Variants in DNAH2 observed in about 807,000 individuals in gnomAD.
The protein encoded by DNAH2 is axonemal beta dynein heavy chain 2.
DNAH2 carries 323 observed loss-of-function variants against 523.5 expected under a neutral mutation model. That is an observed-to-expected ratio of 0.62 (90% CI 0.56 to 0.68). The LOEUF is 0.68. Ranked by LOEUF, DNAH2 falls within the 30% of genes least tolerant of loss-of-function variation. The pLI, the probability that DNAH2 is intolerant of heterozygous loss-of-function variation, is 0.00. For synonymous variants in DNAH2, 2,093 were observed against 2,177.4 expected (o/e 0.96, Z 1.08); for missense variants, 4,907 against 5,701.5 (o/e 0.86, Z 4.49).
intron 77 of DNAH2, among the ~76,000 whole-genome samples, chr17:7,825,430 G>A (rs1052468768): frequency 6.6e-6 from 1 of 152,128 alleles, no homozygotes; most frequent in African/African-American, 2.4e-5. Flanking sequence ...ATCACGCATG[G>A]GTGCCTTTCA....
Position 7,734,533 on chromosome 17 carries a change from C to T in DNAH2, c.803C>T (p.Thr268Ile), listed in dbSNP as rs1421628504. Residue 268 changes from threonine to isoleucine, a missense_variant, in exon 7 of 86, where the codon ACA becomes ATA. By Grantham distance (89) the Thr-to-Ile change is moderately conservative. Coordinates refer to ENST00000572933, the MANE Select transcript of DNAH2 (RefSeq NM_020877.5). Reference sequence around the variant, plus strand: ...CTCAGTGCCCAGGAGACTGTGGAGACAGGAGAAAATTTAGGTCCTCTGGAG... The same window carrying T: ...CTCAGTGCCCAGGAGACTGTGGAGATAGGAGAAAATTTAGGTCCTCTGGAG... Reference protein sequence around the residue: ...EMLSAQETVETGENLGPLEEI... With the variant: ...EMLSAQETVEIGENLGPLEEI... 6.2e-7 allele frequency: 1 copy of T among 1,613,684 alleles called. No homozygotes were observed. Among genetic ancestry groups the T allele is most frequent in the South Asian group, 1.1e-5 (1 of 91,034 alleles).
intron 33 of DNAH2, 128 bp downstream of exon 33, chr17:7,777,762 G>A (rs950384313): frequency 1.5e-5 from 18 of 1,209,636 alleles, no homozygotes; most frequent in Admixed American, 1.1e-4. Context: ...ACCCTAATCC[G>A]GTTCTTCCTT....
chr17:7,744,225 C>T (rs530503596), intron 12 of DNAH2, among the ~76,000 whole-genome samples: 28 of 138,070 alleles, frequency 2.0e-4, no homozygotes, highest in African/African-American at 7.1e-4. Context: ...ACCCGGGAGG[C>T]GGAGGTTGCA....
chr17:7,793,211 C>T lies in DNAH2; in HGVS notation c.7569+6C>T, dbSNP rs377118726. 13 of 1,611,990 alleles carry T rather than the reference C, an allele frequency of 8.1e-6. No homozygotes were observed. In the African/African-American group the frequency reaches 1.2e-4, roughly 15 times the overall value. On this transcript the variant is annotated splice_donor_region_variant and intron_variant, in intron 48 of 85. Coordinates refer to ENST00000572933, the MANE Select transcript of DNAH2 (RefSeq NM_020877.5). ...AGACCATCAAGTACATTCGAGTAAGCCTCGCTAGAGTCTGTTCTTCAGGCC... is the reference window on the plus strand; with the variant it reads ...AGACCATCAAGTACATTCGAGTAAGTCTCGCTAGAGTCTGTTCTTCAGGCC...
Position 7,788,070 on chromosome 17 carries a change from T to G in DNAH2, c.6742-16T>G. The G allele has an allele frequency of 6.2e-7, 1 of 1,613,944 alleles. No homozygotes were observed. Among genetic ancestry groups the G allele is most frequent in the Non-Finnish European group, 8.5e-7 (1 of 1,179,850 alleles). ...ACACAAGGGTGAATGAAGAGCCCCT[T>G]CTTATTCAACTCCAGGCTGAGGTGG... On this transcript the variant is annotated splice_polypyrimidine_tract_variant and intron_variant, in intron 43 of 85. Transcript: ENST00000572933.
In DNAH2 at chr17:7,757,271, A is replaced by G. The variant is rs750078908; in HGVS notation, c.2051+34A>G. On this transcript the variant is annotated intron_variant, in intron 13 of 85. Transcript: ENST00000572933. ...TCAGTCCTCACTGCAGCCCTTCAAG[A>G]TGCTATTTTATTCCTTCTTTTTCTC... The G allele has an allele frequency of 4.4e-6, 7 of 1,603,154 alleles. No individual in the cohort carries two copies. In the Admixed American group the frequency reaches 1.0e-4, roughly 23 times the overall value.
chr17:7,833,482 T>A lies in DNAH2; in HGVS notation c.13233T>A (p.Pro4411=). ...ACCTGCGGTCTGGGGCCATGACACC[T>A]GATCATTGGATCAAGAGGGGCACTG... ...GIDLRSGAMT[P]DHWIKRGTAL... The change falls in exon 86 of 86, where the codon CCT becomes CCA. Residue 4411 remains proline (P), a synonymous_variant. Coordinates refer to ENST00000572933, the MANE Select transcript of DNAH2 (RefSeq NM_020877.5). 1 of 1,614,144 alleles carries A rather than the reference T, an allele frequency of 6.2e-7. No homozygotes were observed. The highest frequency in any genetic ancestry group is 1.3e-5 in the African/African-American group (1 of 75,046).
At chr17:7,735,370 T>C (rs983957361) in intron 7 of DNAH2, among the ~76,000 whole-genome samples, 6 of 152,210 alleles carry the variant, frequency 3.9e-5, no homozygotes, top group Admixed American at 3.9e-4. Context: ...ACCTCGGTGA[T>C]CCACCCACCT....
chr17:7,755,269 G>A (rs62062618), intron 12 of DNAH2, among the ~76,000 whole-genome samples: 14,902 of 152,082 alleles, frequency 0.098, 842 homozygotes, highest in Non-Finnish European at 0.11. Context: ...CAGGGATGCA[G>A]CCTGGAGAAC....
In DNAH2 at chr17:7,788,376, G is replaced by C. The variant is rs2076804494; in HGVS notation, c.6900+132G>C. The C allele has an allele frequency of 5.2e-6, 6 of 1,146,116 alleles. No homozygotes were observed. The South Asian group carries it at 9.9e-5, about 19-fold the overall frequency. 71.0% of individuals were successfully genotyped at this position (1,146,116 alleles called of 1,614,324 possible). A position where few individuals can be genotyped will look rare whatever the true frequency, so the allele number is the denominator to read the frequency against. On this transcript the variant is annotated intron_variant, in intron 44 of 85. Transcript: ENST00000572933. The stretch of plus-strand genomic sequence containing the variant: ...AGTGGAGCAGAGACTCCAGGGGGAG[G>C]CTTCAACGACCATGGAGGCAGTGAG...
chr17:7,738,939 G>A (rs774709433), intron 8 of DNAH2: 2 of 702,130 alleles, frequency 2.8e-6, no homozygotes, highest in South Asian at 3.0e-5. Flanking sequence ...TCTCCAGTCG[G>A]GGCTGGGTCC....
At chr17:7,729,431 G>C (rs913783904) in intron 4 of DNAH2, among the ~76,000 whole-genome samples, 1 of 151,580 alleles carries the variant, frequency 6.6e-6, no homozygotes, top group African/African-American at 2.4e-5. Flanking sequence ...GCCTAGGTTT[G>C]TTTGTTTGTT....
intron 13 of DNAH2, among the ~76,000 whole-genome samples, chr17:7,757,548 T>G (rs559395962): frequency 6.6e-6 from 1 of 152,158 alleles, no homozygotes. Flanking sequence ...ATTAGGATTA[T>G]GTGCACAGAA....
At position 7,758,514 on chromosome 17, in the gene DNAH2, C is replaced by G. The variant is rs775782232; in HGVS notation, c.2071C>G (p.Pro691Ala). 1.1e-5 allele frequency: 18 copies of G among 1,613,880 alleles called. No homozygotes were observed. The South Asian group carries it at 1.9e-4, about 17-fold the overall frequency. Residue 691 changes from proline (P) to alanine (A), a missense_variant, in exon 14 of 86, where the codon CCA (proline) becomes GCA (alanine). This residue lies in a region of DNAH2 where 2,806 missense variants were observed against 3,190.8 expected (regional missense o/e 0.88). Transcript: ENST00000572933. ...GCACAGGATTATTGCCATGCTGTCC[C>G]CAGATGAGCAGGCCCTATTCAAAGA... ...DYNRIIAMLS[P>A]DEQALFKERI...
Position 7,760,882 on chromosome 17 carries a change from C to T in DNAH2, c.2928C>T (p.Arg976=). ...TCAACAAGGACTCCTTCATTCATCG[C>T]TACCAGCGCCTCAACCCTCCTGTCT... ...WEINKDSFIH[R]YQRLNPPVSS... The change falls in exon 18 of 86, where the codon CGC becomes CGT. Residue 976 remains arginine (R), a synonymous_variant. Transcript: ENST00000572933. This position sits in a 1 kb window ranked among gnomAD's most constrained non-coding sequence, Gnocchi z 4.0. 3.1e-6 allele frequency: 5 copies of T among 1,614,206 alleles called. No individual in the cohort carries two copies. Among genetic ancestry groups the T allele is most frequent in the Non-Finnish European group, 3.4e-6 (4 of 1,180,048 alleles).
intron 77 of DNAH2, among the ~76,000 whole-genome samples, chr17:7,826,354 C>T (rs964767037): frequency 6.6e-6 from 1 of 152,118 alleles, no homozygotes; most frequent in Non-Finnish European, 1.5e-5. Context: ...ATAAGAAAGT[C>T]CCTGTATTCA....
At chr17:7,745,200 G>A (rs2075481082) in intron 12 of DNAH2, among the ~76,000 whole-genome samples, 1 of 152,082 alleles carries the variant, frequency 6.6e-6, no homozygotes, top group Non-Finnish European at 1.5e-5. Context: ...TTGCCATGTT[G>A]GCCAAGCTGG....
intron 3 of DNAH2, among the ~76,000 whole-genome samples, chr17:7,724,287 G>C (rs1458701414): frequency 6.6e-6 from 1 of 152,082 alleles, no homozygotes; most frequent in African/African-American, 2.4e-5. Flanking sequence ...GAGAAAATAA[G>C]ACTCATGGTG....
In DNAH2 at chr17:7,767,936, C is replaced by T. The variant is rs748102608; in HGVS notation, c.3712C>T (p.Arg1238Ter). Residue 1238 changes from arginine (R) to a stop codon, truncating the protein, a stop_gained, in exon 23 of 86, where the codon CGA (arginine) becomes TGA (stop). Coordinates refer to ENST00000572933, the MANE Select transcript of DNAH2 (RefSeq NM_020877.5). LOFTEE classifies it high-confidence loss of function. ...DALQQIWEIA[R>*]DWEENWNEWK... ...CCTCCAGCAAATCTGGGAGATCGCA[C>T]GAGACTGGGAGGAGAACTGGAATGA... 3.7e-6 allele frequency: 6 copies of T among 1,613,998 alleles called. No individual in the cohort carries two copies. The highest frequency in any genetic ancestry group is 1.3e-5 in the African/African-American group (1 of 75,008).
Sources: gnomAD v4.1 joint callset for allele counts (sites outside exome capture counted in the v4.1 genomes callset) on GRCh38, gnomAD v4.1.1 for gene constraint, gnomAD v4.1.1 regional missense constraint, Gnocchi (gnomAD v3.1) non-coding constraint, MANE v1.5 for transcripts, NCBI Gene and HGNC (gene_info 2026-07-23, HGNC 2026-07-21) for gene names.